Variants in RARS2 observed in about 807,000 individuals in gnomAD.
RARS2 encodes probable arginine--tRNA ligase, mitochondrial.
A neutral mutation model predicts 88.5 loss-of-function variants in RARS2; 67 were observed. The observed-to-expected ratio is 0.76, with a 90% CI of 0.62 to 0.93. The LOEUF (loss-of-function observed/expected upper bound fraction) is 0.93. Among genes scored for constraint, RARS2 ranks in the 40% least tolerant of loss-of-function variants. The pLI, the probability that RARS2 is intolerant of heterozygous loss-of-function variation, is 0.00. For missense variants in RARS2, 664 were observed against 684.2 expected (o/e 0.97, Z 0.33); for synonymous variants, 239 against 230.3 (o/e 1.04, Z -0.34).
At chr6:87,548,499 A>T (rs1444465080) in intron 6 of RARS2, 92 bp downstream of exon 6, 4 of 1,287,592 alleles carry the variant, frequency 3.1e-6, no homozygotes, top group Admixed American at 4.2e-5. Flanking sequence ...GTTTTTTGCT[A>T]TTTTGTTATT....
chr6:87,555,962 T>C (rs1183538980), intron 4 of RARS2, among the ~76,000 whole-genome samples: 2 of 152,212 alleles, frequency 1.3e-5, no homozygotes, highest in Non-Finnish European at 2.9e-5. Context: ...GTAAGAACTA[T>C]TTTAACAAAG....
chr6:87,529,883 C>T (rs1776899413), intron 9 of RARS2, among the ~76,000 whole-genome samples: 2 of 148,232 alleles, frequency 1.3e-5, no homozygotes, highest in Non-Finnish European at 3.0e-5. Flanking sequence ...TGGCGAGGAC[C>T]TCATTATTTT....
At chr6:87,529,759 A>C (rs1168770087) in intron 9 of RARS2, 111 bp from the exon 10 acceptor site, 1 of 758,208 alleles carries the variant, frequency 1.3e-6, no homozygotes, top group Non-Finnish European at 2.3e-6. Context: ...TGAACACAAT[A>C]AAAATTAAAT....
intron 1 of RARS2, among the ~76,000 whole-genome samples, chr6:87,586,628 G>C (rs535337117): frequency 4.6e-5 from 7 of 152,260 alleles, no homozygotes; most frequent in Admixed American, 1.3e-4. Context: ...TTTAGCCTTG[G>C]GACTGATGAC....
Position 87,576,137 on chromosome 6 carries a change from A to G in RARS2, c.37-6547T>C, listed in dbSNP as rs1771448077. Among the ~76,000 whole-genome samples, 2 of 115,586 alleles carry G rather than the reference A, an allele frequency of 1.7e-5. 1 individual carries two copies. The highest frequency in any genetic ancestry group is 6.4e-5 in the African/African-American group (2 of 31,106). The allele number at this position is 115,586 out of a possible 152,430, so 75.8% of individuals were successfully genotyped here. A position where few individuals can be genotyped will look rare whatever the true frequency, so the allele number is the denominator to read the frequency against. ...TTTAAAAATTGAGTCAAACAAAAAA[A>G]TCCAAGCTGCAGCTGCACAAAGATA... On this transcript the variant is annotated intron_variant, in intron 1 of 19. Transcript: ENST00000369536.
intron 8 of RARS2, among the ~76,000 whole-genome samples, chr6:87,537,348 G>A (rs1162454648): frequency 6.6e-6 from 1 of 152,188 alleles, no homozygotes; most frequent in East Asian, 1.9e-4. Context: ...TGGGGGTGTG[G>A]GGACATTCAC....
At chr6:87,524,021 A>G (rs1774863813) in intron 11 of RARS2, among the ~76,000 whole-genome samples, 1 of 152,070 alleles carries the variant, frequency 6.6e-6, no homozygotes, top group Admixed American at 6.6e-5. Flanking sequence ...GGAACAAATT[A>G]TGGTAGTTAA....
chr6:87,586,796 T>C (rs1775292939), intron 1 of RARS2, among the ~76,000 whole-genome samples: 1 of 152,214 alleles, frequency 6.6e-6, no homozygotes, highest in Non-Finnish European at 1.5e-5. Flanking sequence ...CACAAGTGTT[T>C]CAACTTTTGA....
intron 18 of RARS2, among the ~76,000 whole-genome samples, chr6:87,516,549 G>A (rs748585988): frequency 3.3e-5 from 5 of 152,094 alleles, no homozygotes; most frequent in African/African-American, 7.2e-5. Context: ...CATCTCTTAC[G>A]TTCACTCTAA....
Position 87,521,445 on chromosome 6 carries a change from T to C in RARS2, c.1035+19A>G. On this transcript the variant is annotated intron_variant, in intron 12 of 19. Coordinates refer to ENST00000369536, the MANE Select transcript of RARS2 (RefSeq NM_020320.5). ...TTTCATGAGTTAAGAGATCATAACT[T>C]TTTGTTCTGATTACTTACCACATAT... The C allele has an allele frequency of 1.9e-6, 3 of 1,560,562 alleles. No individual in the cohort carries two copies. Among genetic ancestry groups the C allele is most frequent in the Non-Finnish European group, 2.6e-6 (3 of 1,132,188 alleles).
rs759898816 is a variant in RARS2, at chr6:87,589,960, C to A, written c.-3G>T. On this transcript the variant is annotated 5_prime_UTR_variant, in exon 1 of 20. Coordinates refer to ENST00000369536, the MANE Select transcript of RARS2 (RefSeq NM_020320.5). ...GCGCGGCGAAAGCCGCACGCCATGT[C>A]CACCTCTACGGAAGTGCGCCGCAGT... 1.2e-6 allele frequency: 2 copies of A among 1,614,240 alleles called. No homozygotes were observed. Among genetic ancestry groups the A allele is most frequent in the South Asian group, 1.1e-5 (1 of 91,092 alleles).
In RARS2 at chr6:87,585,072, A is replaced by G. The variant is rs1774731801; in HGVS notation, c.36+4850T>C. ...GGTATTCCTGGAACTGGGGATAATC[A>G]AAAGTCAACATGGCAGATTAGCATC... On this transcript the variant is annotated intron_variant, in intron 1 of 19. Transcript: ENST00000369536. Among the ~76,000 whole-genome samples, 10 of 152,256 alleles carry G rather than the reference A, an allele frequency of 6.6e-5. No individual in the cohort carries two copies. The South Asian group carries it at 2.1e-3, about 32-fold the overall frequency.
chr6:87,538,550 T>C (rs1455219431), intron 8 of RARS2, among the ~76,000 whole-genome samples: 1 of 152,126 alleles, frequency 6.6e-6, no homozygotes, highest in Non-Finnish European at 1.5e-5. Flanking sequence ...TAAAATATTG[T>C]ACAGCCTCAG....
In RARS2 at chr6:87,546,884, T is replaced by C. The variant is rs1055393088; in HGVS notation, c.452-1185A>G. 1.4e-4 allele frequency among the ~76,000 whole-genome samples: 21 copies of C among 152,244 alleles called. 1 individual carries two copies. Among genetic ancestry groups the C allele is most frequent in the Non-Finnish European group, 1.5e-5 (1 of 68,052 alleles). ...AAGTCCCTGCAACTGGAACCTGTTT[T>C]TCCAGCTGGCACACAGATGGCATAT... On this transcript the variant is annotated intron_variant, in intron 6 of 19. Coordinates refer to ENST00000369536, the MANE Select transcript of RARS2 (RefSeq NM_020320.5).
chr6:87,565,280 T>C (rs1341881924), intron 2 of RARS2, among the ~76,000 whole-genome samples: 1 of 152,188 alleles, frequency 6.6e-6, no homozygotes, highest in Non-Finnish European at 1.5e-5. Context: ...TTTTAAATGT[T>C]GTAATTTGAG....
At position 87,567,734 on chromosome 6, in the gene RARS2, G is replaced by A. The variant is rs192017407; in HGVS notation, c.110+1783C>T. Reference sequence around the variant, plus strand: ...TAATATGAAGAATTTCAGATTTGTAGGCCAGAAAAATCTTGAGGCCCTCCC... The same window carrying A: ...TAATATGAAGAATTTCAGATTTGTAAGCCAGAAAAATCTTGAGGCCCTCCC... On this transcript the variant is annotated intron_variant, in intron 2 of 19. Coordinates refer to ENST00000369536, the MANE Select transcript of RARS2 (RefSeq NM_020320.5). Among the ~76,000 whole-genome samples the A allele has an allele frequency of 2.5e-3, 378 of 152,220 alleles. 1 individual carries two copies. The highest frequency in any genetic ancestry group is 8.8e-3 in the African/African-American group (364 of 41,570).
intron 8 of RARS2, among the ~76,000 whole-genome samples, chr6:87,532,797 T>G (rs1220585800): frequency 6.6e-6 from 1 of 152,108 alleles, no homozygotes; most frequent in Non-Finnish European, 1.5e-5. Context: ...AAAGGTGATG[T>G]TTATGTAGTC....
intron 7 of RARS2, among the ~76,000 whole-genome samples, chr6:87,543,666 T>C (rs1036917035): frequency 2.0e-5 from 3 of 151,960 alleles, no homozygotes; most frequent in Admixed American, 6.6e-5. Flanking sequence ...AAACAATTTA[T>C]TTCTATATCA....
intron 6 of RARS2, 95 bp downstream of exon 6, chr6:87,548,496 G>A: frequency 8.1e-7 from 1 of 1,236,576 alleles, no homozygotes; most frequent in Non-Finnish European, 1.1e-6. Flanking sequence ...TTTGTTTTTT[G>A]CTATTTTGTT....
Sources: gnomAD v4.1 joint callset for allele counts (sites outside exome capture counted in the v4.1 genomes callset) on GRCh38, gnomAD v4.1.1 for gene constraint, MANE v1.5 for transcripts, NCBI Gene and HGNC (gene_info 2026-07-23, HGNC 2026-07-21) for gene names.